Variants in MYO7B observed in about 807,000 individuals in gnomAD.
The protein encoded by MYO7B is unconventional myosin-VIIb.
Under a neutral mutation model 259.7 loss-of-function variants are expected in MYO7B, and 212 were observed. The ratio of observed to expected loss-of-function variants is 0.82; its 90% confidence interval spans 0.73 to 0.91. The LOEUF (loss-of-function observed/expected upper bound fraction) is 0.91, where lower values mean the gene tolerates loss of function less well. Among genes scored for constraint, MYO7B ranks in the 40% least tolerant of loss-of-function variants. The pLI, the probability that MYO7B is intolerant of heterozygous loss-of-function variation, is 0.00. For synonymous variants in MYO7B, 1,197 were observed against 1,166.4 expected, an observed-to-expected ratio of 1.03 and a Z score of -0.54; for missense variants, 2,732 against 2,813.5, an observed-to-expected ratio of 0.97 and a Z score of 0.66.
Position 127,580,774 on chromosome 2 carries a change from A to G in MYO7B, c.1032A>G (p.Ser344=). 1 of 1,613,594 alleles carries G rather than the reference A, an allele frequency of 6.2e-7. No individual in the cohort carries two copies. The highest frequency in any genetic ancestry group is 8.5e-7 in the Non-Finnish European group (1 of 1,179,768). ...MASVFENLDA[S]DVMETPAFPT... ...CGGTCTTCGAGAACCTGGACGCCTC[A>G]GACGTGATGGAGACGCCCGCCTTTC... The change falls in exon 10 of 48, where the codon TCA becomes TCG. Residue 344 remains serine, a synonymous_variant. Transcript: ENST00000409816.
rs1278403895 is a variant in MYO7B at position 127,636,634 on chromosome 2, T to C, written c.6207+6T>C. 2 of 1,611,784 alleles carry C rather than the reference T, an allele frequency of 1.2e-6. No individual in the cohort carries two copies. The highest frequency in any genetic ancestry group is 4.5e-5 in the East Asian group (2 of 44,770). On this transcript the variant is annotated splice_donor_region_variant and intron_variant, in intron 46 of 47. Coordinates refer to ENST00000409816, the MANE Select transcript of MYO7B (RefSeq NM_001393586.1). This position sits in a 1 kb window ranked among gnomAD's most constrained non-coding sequence, Gnocchi z 4.5. ...TCATCCACCCCAAGACCAAGGTAGCTGCTGGGCCTCCGGAGGGGCTGGGGG... is the reference window on the plus strand; with the variant it reads ...TCATCCACCCCAAGACCAAGGTAGCCGCTGGGCCTCCGGAGGGGCTGGGGG...
At chr2:127,624,399 C>A in intron 30 of MYO7B, 79 bp downstream of exon 30, 1 of 1,341,882 alleles carries the variant, frequency 7.5e-7, no homozygotes. Flanking sequence ...CAACTGGCTT[C>A]TGAGGCCAGG....
Position 127,615,934 on chromosome 2 carries a change from G to A in MYO7B, c.3398+3331G>A, listed in dbSNP as rs931535729. Among the ~76,000 whole-genome samples, 3 of 152,150 alleles carry A rather than the reference G, an allele frequency of 2.0e-5. No individual in the cohort carries two copies. Among genetic ancestry groups the A allele is most frequent in the African/African-American group, 7.2e-5 (3 of 41,420 alleles). The stretch of plus-strand genomic sequence containing the variant: ...CCCTCCAGTCTCCCGTTGCATGGTC[G>A]CACACAACTTGAGGGCACCTACATG... On this transcript the variant is annotated intron_variant, in intron 26 of 47. Coordinates refer to ENST00000409816, the MANE Select transcript of MYO7B (RefSeq NM_001393586.1). This position sits in a 1 kb window ranked among gnomAD's most constrained non-coding sequence, Gnocchi z 4.4.
At chr2:127,555,444 G>T (rs924465086) in intron 1 of MYO7B, among the ~76,000 whole-genome samples, 2 of 151,982 alleles carry the variant, frequency 1.3e-5, no homozygotes, top group African/African-American at 4.8e-5. Context: ...TTTGGATTTG[G>T]TTTGTTCTTG....
rs927500835 is a variant in MYO7B, at chr2:127,629,814, G to A, written c.4794G>A (p.Ser1598=). ...LYTIPTVTKP[S]AQLLSLLAMS... ...CCATCCCCACGGTCACTAAGCCCTCGGCACAGCTGCTGGTAACTGGCACGC... is the reference window on the plus strand; with the variant it reads ...CCATCCCCACGGTCACTAAGCCCTCAGCACAGCTGCTGGTAACTGGCACGC... The change falls in exon 35 of 48, where the codon TCG becomes TCA. Residue 1598 remains serine (S), a synonymous_variant. Transcript: ENST00000409816. 16 of 1,563,540 alleles carry A rather than the reference G, an allele frequency of 1.0e-5. No homozygotes were observed. The highest frequency in any genetic ancestry group is 5.6e-5 in the Admixed American group (3 of 53,596).
At position 127,578,179 on chromosome 2, in the gene MYO7B, C is replaced by T. The variant is rs1400648814; in HGVS notation, c.896C>T (p.Ala299Val). ...CEGLNDAKDY[A>V]HIRSAMKILQ... ...GGGCTCAACGACGCCAAGGACTACGCCCACATCCGCTCGGCCATGAAGATC... is the reference window on the plus strand; with the variant it reads ...GGGCTCAACGACGCCAAGGACTACGTCCACATCCGCTCGGCCATGAAGATC... Residue 299 changes from alanine (A) to valine (V), a missense_variant, in exon 9 of 48, where the codon GCC becomes GTC. By Grantham distance (64) the Ala-to-Val change is moderately conservative. Coordinates refer to ENST00000409816, the MANE Select transcript of MYO7B (RefSeq NM_001393586.1). 1 of 1,613,860 alleles carries T rather than the reference C, an allele frequency of 6.2e-7. No individual in the cohort carries two copies.
intron 1 of MYO7B, among the ~76,000 whole-genome samples, chr2:127,545,601 C>T (rs1210062544): frequency 6.6e-6 from 1 of 152,236 alleles, no homozygotes; most frequent in Admixed American, 6.5e-5. Context: ...TTCTTTTCCT[C>T]TCCTCCTGCC....
At position 127,584,635 on chromosome 2, in the gene MYO7B, T is replaced by C. The variant is rs1679231095; in HGVS notation, c.1555-143T>C. ...CTCCCTGCAACAAGTCACTGACCCC[T>C]GGGCATTAGTTTCCTGTCTGTACAA... On this transcript the variant is annotated intron_variant, in intron 13 of 47. Coordinates refer to ENST00000409816, the MANE Select transcript of MYO7B (RefSeq NM_001393586.1). This position sits in a 1 kb window ranked among gnomAD's most constrained non-coding sequence, Gnocchi z 5.8. 4.9e-6 allele frequency: 5 copies of C among 1,019,732 alleles called. No homozygotes were observed. Among genetic ancestry groups the C allele is most frequent in the South Asian group, 3.3e-5 (2 of 61,186 alleles). 63.2% of individuals were successfully genotyped at this position (1,019,732 alleles called of 1,614,324 possible).
Position 127,590,375 on chromosome 2 carries a change from G to T in MYO7B, c.1992+146G>T. 1 of 1,203,870 alleles carries T rather than the reference G, an allele frequency of 8.3e-7. No individual in the cohort carries two copies. Among genetic ancestry groups the T allele is most frequent in the Non-Finnish European group, 1.1e-6 (1 of 872,338 alleles). The allele number at this position is 1,203,870 out of a possible 1,614,324, so 74.6% of individuals were successfully genotyped here. A position where few individuals can be genotyped will look rare whatever the true frequency, so the allele number is the denominator to read the frequency against. Reference sequence around the variant, plus strand: ...CTTACAGATAAGTACACTGGGGTAAGGTGACCAGACTAGGTCATGTGAAGG... The same window carrying T: ...CTTACAGATAAGTACACTGGGGTAATGTGACCAGACTAGGTCATGTGAAGG... On this transcript the variant is annotated intron_variant, in intron 16 of 47. Coordinates refer to ENST00000409816, the MANE Select transcript of MYO7B (RefSeq NM_001393586.1). This position sits in a 1 kb window ranked among gnomAD's most constrained non-coding sequence, Gnocchi z 4.6.
At position 127,546,699 on chromosome 2, in the gene MYO7B, G is replaced by C. The variant is rs909620829; in HGVS notation, c.-24+10868G>C. On this transcript the variant is annotated intron_variant, in intron 1 of 47. Coordinates refer to ENST00000409816, the MANE Select transcript of MYO7B (RefSeq NM_001393586.1). The surrounding 1 kb of genome is among the most constrained non-coding windows in gnomAD (Gnocchi z 4.2). ...GAAGTCATCCCATTCCCAAGGGGCA[G>C]AAAATTTTAAGCACACCAGTGCTTC... is the stretch of plus-strand genomic sequence containing the variant. Among the ~76,000 whole-genome samples the C allele has an allele frequency of 2.0e-5, 3 of 152,160 alleles. No homozygotes were observed. Among genetic ancestry groups the C allele is most frequent in the Non-Finnish European group, 4.4e-5 (3 of 68,020 alleles).
At chr2:127,625,599 T>C (rs76503952) in intron 31 of MYO7B, 64 bp downstream of exon 31, 176,654 of 1,475,230 alleles carry the variant, frequency 0.12, 11,673 homozygotes, top group Middle Eastern at 0.16. Context: ...GGGGGGCTCA[T>C]GGTATACAGA....
intron 1 of MYO7B, among the ~76,000 whole-genome samples, chr2:127,552,499 G>A (rs1275619602): frequency 6.6e-6 from 1 of 152,216 alleles, no homozygotes; most frequent in Non-Finnish European, 1.5e-5. Flanking sequence ...TGGGCTGTGG[G>A]AAGACCAGGC....
chr2:127,629,193 T>A (rs1681327695), intron 34 of MYO7B, among the ~76,000 whole-genome samples: 1 of 152,134 alleles, frequency 6.6e-6, no homozygotes, highest in Admixed American at 6.5e-5. Context: ...CAGTGAGAAA[T>A]GTCAGCCGAG....
intron 29 of MYO7B, among the ~76,000 whole-genome samples, 191 bp from the exon 30 acceptor site, chr2:127,623,902 T>G (rs924750111): frequency 2.0e-5 from 3 of 151,840 alleles, no homozygotes; most frequent in Non-Finnish European, 4.4e-5. Flanking sequence ...TAATGGGGAG[T>G]GGCAGATGGG....
At chr2:127,568,945 T>G (rs912184341) in intron 5 of MYO7B, among the ~76,000 whole-genome samples, 1 of 147,750 alleles carries the variant, frequency 6.8e-6, no homozygotes, top group East Asian at 2.0e-4. Flanking sequence ...CGGTGGTTTA[T>G]GCCTGTAATC....
intron 7 of MYO7B, among the ~76,000 whole-genome samples, chr2:127,574,504 C>G (rs1008751279): frequency 1.3e-5 from 2 of 152,238 alleles, no homozygotes; most frequent in African/African-American, 2.4e-5. Flanking sequence ...TGCACCACTG[C>G]ACTCCAGCCT....
chr2:127,588,579 G>T, intron 15 of MYO7B, 24 bp downstream of exon 15: 8 of 1,612,068 alleles, frequency 5.0e-6, no homozygotes, highest in Non-Finnish European at 6.8e-6. Flanking sequence ...CACCCTCCTG[G>T]GTCTGTCACC....
rs760985677 is a variant in MYO7B at position 127,593,555 on chromosome 2, A to G, written c.2155A>G (p.Lys719Glu). 1 of 1,612,890 alleles carries G rather than the reference A, an allele frequency of 6.2e-7. No homozygotes were observed. The highest frequency in any genetic ancestry group is 1.7e-5 in the Admixed American group (1 of 59,966). Residue 719 changes from lysine (K) to glutamate (E), a missense_variant, in exon 18 of 48, where the codon AAG (lysine) becomes GAG (glutamate). Physicochemically the swap from Lys to Glu is moderately conservative, Grantham distance 56. Transcript: ENST00000409816. ...CGTTTGGTCTTGGCAGCTGCAAGGCAAGCTCCGCCAGATGACCCTGGGCAT... is the reference window on the plus strand; with the variant it reads ...CGTTTGGTCTTGGCAGCTGCAAGGCGAGCTCCGCCAGATGACCCTGGGCAT... ...PNAMRMQLQG[K>E]LRQMTLGITD...
At chr2:127,554,373 C>T (rs1303704184) in intron 1 of MYO7B, among the ~76,000 whole-genome samples, 1 of 152,186 alleles carries the variant, frequency 6.6e-6, no homozygotes, top group Non-Finnish European at 1.5e-5. Context: ...TGTGCCCGGA[C>T]GTATCACATT....
Sources: gnomAD v4.1 joint callset for allele counts (sites outside exome capture counted in the v4.1 genomes callset) on GRCh38, gnomAD v4.1.1 for gene constraint, Gnocchi (gnomAD v3.1) non-coding constraint, MANE v1.5 for transcripts, NCBI Gene and HGNC (gene_info 2026-07-23, HGNC 2026-07-21) for gene names.